The following MTMR2 variants were observed in gnomAD, a reference collection of about 807,000 sequenced individuals.
MTMR2 encodes myotubularin related protein 2.
MTMR2 carries 55 observed loss-of-function variants against 86.9 expected under a neutral mutation model. The observed-to-expected ratio is 0.63, with a 90% CI of 0.51 to 0.79. The LOEUF is 0.79. Among genes scored for constraint, MTMR2 ranks in the 30% least tolerant of loss-of-function variants. MTMR2 has a pLI of 0.00. For synonymous variants in MTMR2, 241 were observed against 266.8 expected (o/e 0.90, Z 0.94); for missense variants, 659 against 772.3 (o/e 0.85, Z 1.74).
chr11:95,859,365 G>A (rs1027047884), intron 5 of MTMR2, among the ~76,000 whole-genome samples: 5 of 152,160 alleles, frequency 3.3e-5, no homozygotes, highest in Admixed American at 6.5e-5. Context: ...AGTTATTCAT[G>A]TTCCGGTTTA....
chr11:95,908,108 C>T (rs995236097), intron 1 of MTMR2, among the ~76,000 whole-genome samples: 1 of 151,906 alleles, frequency 6.6e-6, no homozygotes, highest in Non-Finnish European at 1.5e-5. Context: ...CAGTCTCTGC[C>T]CAAAAGCTAC....
At chr11:95,901,903 G>A (rs185867882) in intron 1 of MTMR2, among the ~76,000 whole-genome samples, 1 of 152,184 alleles carries the variant, frequency 6.6e-6, no homozygotes, top group East Asian at 1.9e-4. Context: ...TATTTTTAAA[G>A]TTTTTGGACA....
intron 2 of MTMR2, 109 bp from the exon 3 acceptor site, chr11:95,865,785 T>C: frequency 1.2e-6 from 1 of 830,606 alleles, no homozygotes; most frequent in Non-Finnish European, 2.0e-6. Flanking sequence ...TCATATCACA[T>C]ACACTATTTT....
At chr11:95,891,624 A>G (rs140577692) in intron 1 of MTMR2, among the ~76,000 whole-genome samples, 195 of 152,308 alleles carry the variant, frequency 1.3e-3, no homozygotes, top group Middle Eastern at 6.8e-3. Flanking sequence ...GCCTTTAATT[A>G]TTAACTTCTC....
intron 5 of MTMR2, 81 bp from the exon 6 acceptor site, chr11:95,858,713 G>A: frequency 1.1e-6 from 1 of 939,366 alleles, no homozygotes; most frequent in South Asian, 1.3e-5. Flanking sequence ...GAACTATCTT[G>A]TAAAATGTTA....
chr11:95,869,485 G>A (rs924725562), intron 2 of MTMR2, among the ~76,000 whole-genome samples: 2 of 152,122 alleles, frequency 1.3e-5, no homozygotes, highest in African/African-American at 2.4e-5. Context: ...TCATCAAAGG[G>A]ATTAATATTT....
chr11:95,853,256 C>G (rs1159263537), intron 7 of MTMR2, among the ~76,000 whole-genome samples: 1 of 151,816 alleles, frequency 6.6e-6, no homozygotes, highest in Non-Finnish European at 1.5e-5. Flanking sequence ...CCTCCCTTAT[C>G]CCTTACATCC....
At chr11:95,885,070 G>T (rs931839649) in intron 2 of MTMR2, among the ~76,000 whole-genome samples, 1 of 151,852 alleles carries the variant, frequency 6.6e-6, no homozygotes, top group Admixed American at 6.6e-5. Context: ...GCACTAATGG[G>T]GATACATTGA....
chr11:95,839,790 C>T (rs1863459961), intron 12 of MTMR2, among the ~76,000 whole-genome samples: 1 of 151,968 alleles, frequency 6.6e-6, no homozygotes, highest in South Asian at 2.1e-4. Flanking sequence ...CTGATAATTG[C>T]TAACAAACAT....
intron 2 of MTMR2, among the ~76,000 whole-genome samples, chr11:95,877,041 A>G (rs1404481975): frequency 1.3e-5 from 2 of 152,260 alleles, no homozygotes; most frequent in African/African-American, 2.4e-5. Flanking sequence ...GAGTCTATAC[A>G]GTTATAAACT....
intron 2 of MTMR2, chr11:95,882,451 G>A (rs2135533702): frequency 6.6e-6 from 1 of 152,078 alleles, no homozygotes; most frequent in Middle Eastern, 3.4e-3. Context: ...AATGAGCCGA[G>A]ATGGCGCCAA....
At chr11:95,902,295 G>C (rs1450364288) in intron 1 of MTMR2, among the ~76,000 whole-genome samples, 2 of 152,100 alleles carry the variant, frequency 1.3e-5, no homozygotes, top group Non-Finnish European at 2.9e-5. Context: ...AGTTTAAAAA[G>C]GGCATTGGAA....
chr11:95,847,903 G>GA lies in MTMR2; in HGVS notation c.994-5dup. On this transcript the variant is annotated splice_region_variant and splice_polypyrimidine_tract_variant and intron_variant, in intron 9 of 14. Transcript: ENST00000346299. Reference sequence around the variant, plus strand: ...TTTCATAACCTCCACCCTTTGCCTGGAAAAAAGCACACATCATGGAAAATC... The same window carrying GA: ...TTTCATAACCTCCACCCTTTGCCTGGAAAAAAAGCACACATCATGGAAAATC... The GA allele has an allele frequency of 2.5e-6, 4 of 1,612,998 alleles. No homozygotes were observed. Among genetic ancestry groups the GA allele is most frequent in the African/African-American group, 1.3e-5 (1 of 74,952 alleles).
chr11:95,897,692 A>G (rs568298178), intron 1 of MTMR2, among the ~76,000 whole-genome samples: 95 of 152,278 alleles, frequency 6.2e-4, no homozygotes, highest in African/African-American at 2.2e-3. Context: ...TCTATTTCAA[A>G]TGTCCTACAT....
intron 7 of MTMR2, among the ~76,000 whole-genome samples, chr11:95,857,093 C>T (rs1156511848): frequency 2.0e-5 from 3 of 152,022 alleles, no homozygotes; most frequent in East Asian, 3.8e-4. Context: ...TTTACCTCTA[C>T]CTGGCTTTGT....
rs189817947 is a variant in MTMR2 at position 95,856,329 on chromosome 11, C to T, written c.654+1223G>A. ...TTTGTACAGAATGCAAGTATTACCA[C>T]TTCCTTTTTTTTTTTTATTTAAAGG... On this transcript the variant is annotated intron_variant, in intron 7 of 14. Coordinates refer to ENST00000346299, the MANE Select transcript of MTMR2 (RefSeq NM_016156.6). Among the ~76,000 whole-genome samples, 206 of 125,132 alleles carry T rather than the reference C, an allele frequency of 1.6e-3. 1 individual carries two copies. Among genetic ancestry groups the T allele is most frequent in the Admixed American group, 3.0e-3 (36 of 12,202 alleles). 82.1% of individuals were successfully genotyped at this position (125,132 alleles called of 152,430 possible).
intron 1 of MTMR2, among the ~76,000 whole-genome samples, chr11:95,889,012 G>A (rs1865614955): frequency 6.6e-6 from 1 of 152,162 alleles, no homozygotes; most frequent in Admixed American, 6.5e-5. Flanking sequence ...AGGATGGAAA[G>A]AGAAGTTCTT....
intron 1 of MTMR2, among the ~76,000 whole-genome samples, chr11:95,902,364 C>T (rs1866105736): frequency 6.6e-6 from 1 of 152,160 alleles, no homozygotes; most frequent in African/African-American, 2.4e-5. Context: ...TCAGCCTCTC[C>T]AATACCATTA....
intron 1 of MTMR2, chr11:95,908,030 T>A: frequency 9.7e-6 from 2 of 205,314 alleles, no homozygotes; most frequent in Non-Finnish European, 2.1e-5. Flanking sequence ...AATAAAAGCA[T>A]CCAAATAAAA....
Sources: gnomAD v4.1 joint callset for allele counts (sites outside exome capture counted in the v4.1 genomes callset) on GRCh38, gnomAD v4.1.1 for gene constraint, MANE v1.5 for transcripts, NCBI Gene and HGNC (gene_info 2026-07-23, HGNC 2026-07-21) for gene names.